The following SPATA13 variants were observed in gnomAD, a reference collection of about 807,000 sequenced individuals.
The protein encoded by SPATA13 is spermatogenesis-associated protein 13.
SPATA13 carries 50 observed loss-of-function variants against 104.0 expected under a neutral mutation model. That is an observed-to-expected ratio of 0.48 (90% CI 0.38 to 0.61). The LOEUF (loss-of-function observed/expected upper bound fraction) is 0.61. Ranked by LOEUF, SPATA13 falls within the 20% of genes least tolerant of loss-of-function variation. The pLI is 0.00. For missense variants in SPATA13, 1,524 were observed against 1,690.6 expected, an observed-to-expected ratio of 0.90 and a Z score of 1.73; for synonymous variants, 606 against 667.5, an observed-to-expected ratio of 0.91 and a Z score of 1.42.
chr13:24,208,303 T>TA (rs1481655672), intron 1 of SPATA13, among the ~76,000 whole-genome samples: 4 of 152,252 alleles, frequency 2.6e-5, no homozygotes, highest in African/African-American at 9.6e-5. Context: ...AGGCTGATAA[T>TA]AACCTGTGTT....
At chr13:24,207,935 T>C (rs1343776726) in intron 1 of SPATA13, among the ~76,000 whole-genome samples, 1 of 152,190 alleles carries the variant, frequency 6.6e-6, no homozygotes, top group African/African-American at 2.4e-5. Context: ...GATGTGATAA[T>C]AGAGGGTAGT....
chr13:24,047,588 C>T (rs1878195837), intron 3 of SPATA13, among the ~76,000 whole-genome samples: 1 of 152,250 alleles, frequency 6.6e-6, no homozygotes, highest in Non-Finnish European at 1.5e-5. Context: ...AAGGCAGTTT[C>T]ATCAGCTTTA....
chr13:24,108,149 G>A (rs999468630), intron 3 of SPATA13, among the ~76,000 whole-genome samples: 1 of 152,140 alleles, frequency 6.6e-6, no homozygotes, highest in Non-Finnish European at 1.5e-5. Context: ...GGGGAAGGGG[G>A]GACACGCCCC....
At position 24,059,419 on chromosome 13, in the gene SPATA13, C is replaced by G. The variant is rs192206919; in HGVS notation, c.-112+41718C>G. Among the ~76,000 whole-genome samples the G allele has an allele frequency of 1.3e-3, 186 of 146,702 alleles. 3 individuals carry two copies. Among genetic ancestry groups the G allele is most frequent in the African/African-American group, 4.4e-3 (183 of 41,152 alleles). The stretch of plus-strand genomic sequence containing the variant: ...GTGCCTTGTGTTTTCCACTTGATTT[C>G]CAGTCTCACTGGCTACACTTGAATC... On this transcript the variant is annotated intron_variant, in intron 3 of 14. Transcript: ENST00000424834.
intron 2 of SPATA13, among the ~76,000 whole-genome samples, chr13:24,243,987 C>G (rs1872982756): frequency 6.6e-6 from 1 of 152,216 alleles, no homozygotes; most frequent in Admixed American, 6.5e-5. Context: ...GACATCTGTT[C>G]TCTCACCATT....
At position 24,239,562 on chromosome 13, in the gene SPATA13, G is replaced by T. The variant is rs546199769; in HGVS notation, c.1654-9915G>T. ...CTAGACAAATTAGCCAGGCGTGGTGGTGTGCACCTCTAGTCCCAGCTACTT... is the reference window on the plus strand; with the variant it reads ...CTAGACAAATTAGCCAGGCGTGGTGTTGTGCACCTCTAGTCCCAGCTACTT... On this transcript the variant is annotated intron_variant, in intron 2 of 12. Coordinates refer to ENST00000382108, the MANE Select transcript of SPATA13 (RefSeq NM_001166271.3). Among the ~76,000 whole-genome samples, 47 of 150,910 alleles carry T rather than the reference G, an allele frequency of 3.1e-4. 2 individuals carry two copies. Among genetic ancestry groups the T allele is most frequent in the African/African-American group, 1.1e-3 (46 of 40,406 alleles).
chr13:24,028,398 A>G (rs1472445792), intron 3 of SPATA13, among the ~76,000 whole-genome samples: 1 of 152,212 alleles, frequency 6.6e-6, no homozygotes, highest in African/African-American at 2.4e-5. Flanking sequence ...TTTGCTGGGT[A>G]CATAATTCTG....
intron 9 of SPATA13, among the ~76,000 whole-genome samples, chr13:24,293,165 G>A (rs1240523258): frequency 6.6e-6 from 1 of 150,542 alleles, no homozygotes; most frequent in Admixed American, 6.6e-5. Context: ...CATTGAAATA[G>A]ATAAAAGAAG....
intron 2 of SPATA13, among the ~76,000 whole-genome samples, chr13:24,016,181 C>G (rs1297147732): frequency 6.6e-6 from 1 of 152,154 alleles, no homozygotes; most frequent in African/African-American, 2.4e-5. Flanking sequence ...GTGGCTTGTC[C>G]TTCAACCCCA....
chr13:24,036,630 C>T (rs927250900), intron 3 of SPATA13, among the ~76,000 whole-genome samples: 3 of 152,078 alleles, frequency 2.0e-5, no homozygotes, highest in Admixed American at 2.0e-4. Flanking sequence ...TGCAGCCCAG[C>T]CCTCCCTGCT....
intron 3 of SPATA13, among the ~76,000 whole-genome samples, chr13:24,070,451 C>G (rs1879118736): frequency 6.6e-6 from 1 of 152,092 alleles, no homozygotes; most frequent in Non-Finnish European, 1.5e-5. Context: ...TACTTGGCGT[C>G]TCTGGTGTGT....
intron 2 of SPATA13, among the ~76,000 whole-genome samples, chr13:23,988,100 C>G (rs999455898): frequency 9.2e-5 from 14 of 152,032 alleles, no homozygotes; most frequent in African/African-American, 3.4e-4. Context: ...CCTACCACCA[C>G]GTCTGGTTAA....
At chr13:23,987,704 G>A (rs1373897918) in intron 2 of SPATA13, among the ~76,000 whole-genome samples, 2 of 152,014 alleles carry the variant, frequency 1.3e-5, no homozygotes, top group Non-Finnish European at 2.9e-5. Flanking sequence ...TCACATTATT[G>A]TGCAACCTTC....
chr13:24,035,305 C>T (rs775652314), intron 3 of SPATA13, among the ~76,000 whole-genome samples: 1 of 152,136 alleles, frequency 6.6e-6, no homozygotes, highest in Non-Finnish European at 1.5e-5. Context: ...CAGGTGTGCA[C>T]CAACACACCC....
intron 3 of SPATA13, among the ~76,000 whole-genome samples, chr13:24,083,696 T>C (rs1448308347): frequency 1.3e-5 from 2 of 152,228 alleles, no homozygotes; most frequent in East Asian, 3.8e-4. Context: ...GAGGATTGCT[T>C]GGCAAATCAA....
chr13:24,078,033 G>A (rs1879390744), intron 3 of SPATA13, among the ~76,000 whole-genome samples: 1 of 152,062 alleles, frequency 6.6e-6, no homozygotes, highest in South Asian at 2.1e-4. Flanking sequence ...TTGCAAACCG[G>A]TCCCAGCGTC....
rs749454221 is a variant in SPATA13 at position 24,302,702 on chromosome 13, C to A, written c.3763C>A (p.Leu1255Met). ...CGTCCCCCAGCAGCAGGTCTTTGGC[C>A]TGGCGGAACCCAAGAGGAAGTCCTC... ...TSVPQQQVFG[L>M]AEPKRKSSLF... The change falls in exon 13 of 13, where the codon CTG becomes ATG. Residue 1255 changes from leucine (L) to methionine (M), a missense_variant. Coordinates refer to ENST00000382108, the MANE Select transcript of SPATA13 (RefSeq NM_001166271.3). 6 of 1,614,124 alleles carry A rather than the reference C, an allele frequency of 3.7e-6. 1 individual carries two copies. In the South Asian group the frequency reaches 6.6e-5, roughly 18 times the overall value.
chr13:24,305,666 T>C lies in SPATA13; in HGVS notation c.*2893T>C, dbSNP rs1310529383. 1 of 152,214 alleles carries C rather than the reference T, an allele frequency of 6.6e-6. No individual in the cohort carries two copies. Among genetic ancestry groups the C allele is most frequent in the Non-Finnish European group, 1.5e-5 (1 of 68,036 alleles). The allele number at this position is 152,214 out of a possible 1,614,324, so 9.4% of individuals were successfully genotyped here. On this transcript the variant is annotated 3_prime_UTR_variant, in exon 13 of 13. Coordinates refer to ENST00000382108, the MANE Select transcript of SPATA13 (RefSeq NM_001166271.3). ...TCTCCCGCCTCTATGCCTTTCTCTC[T>C]TTTTAACCTTACTTTACATAATATT...
intron 2 of SPATA13, among the ~76,000 whole-genome samples, chr13:24,226,858 C>T (rs9318417): frequency 0.28 from 42,376 of 152,120 alleles, 6,225 homozygotes; most frequent in East Asian, 0.5. Context: ...GTAGGACTAT[C>T]GCAGAGTACT....
Sources: gnomAD v4.1 joint callset for allele counts (sites outside exome capture counted in the v4.1 genomes callset) on GRCh38, gnomAD v4.1.1 for gene constraint, MANE v1.5 for transcripts, NCBI Gene and HGNC (gene_info 2026-07-23, HGNC 2026-07-21) for gene names.